HIP1: variants seen among roughly 807,000 people sequenced by gnomAD.
HIP1 encodes the protein huntingtin interacting protein 1, also known as huntingtin-interacting protein 1.
Under a neutral mutation model 147.6 loss-of-function variants are expected in HIP1, and 65 were observed. The ratio of observed to expected loss-of-function variants is 0.44; its 90% CI spans 0.36 to 0.54. HIP1 has a LOEUF of 0.54. Among genes scored for constraint, HIP1 ranks in the 20% least tolerant of loss-of-function variants. The pLI, the probability that HIP1 is intolerant of heterozygous loss-of-function variation, is 0.00. For synonymous variants in HIP1, 479 were observed against 504.0 expected (o/e 0.95, Z 0.67); for missense variants, 1,061 against 1,299.6 (o/e 0.82, Z 2.82).
chr7:75,726,529 C>A (rs997824728), intron 1 of HIP1, among the ~76,000 whole-genome samples: 1 of 152,070 alleles, frequency 6.6e-6, no homozygotes, highest in Admixed American at 6.6e-5. Context: ...GCGATCCGCT[C>A]ACCTTGGCCT....
At position 75,556,153 on chromosome 7, in the gene HIP1, G is replaced by A. The variant is rs782680761; in HGVS notation, c.1700C>T (p.Ala567Val). Residue 567 changes from alanine to valine, a missense_variant, in exon 18 of 31, where the codon GCA (alanine) becomes GTA (valine). By Grantham distance (64) the Ala-to-Val change is moderately conservative. This residue lies in a region of HIP1 where 810 missense variants were observed against 946.8 expected (regional missense o/e 0.86). Coordinates refer to ENST00000336926, the MANE Select transcript of HIP1 (RefSeq NM_005338.7). ...CTTCTCTAGCTCGGCGAACTCGGCT[G>A]CCCAGTTTGCTTCTGACTGCAAAGG... Reference protein sequence around the residue: ...ETSAQSEANWAAEFAELEKER... With the variant: ...ETSAQSEANWVAEFAELEKER... The A allele has an allele frequency of 2.5e-6, 4 of 1,613,966 alleles. No individual in the cohort carries two copies. Among genetic ancestry groups the A allele is most frequent in the East Asian group, 2.2e-5 (1 of 44,894 alleles).
intron 1 of HIP1, among the ~76,000 whole-genome samples, chr7:75,636,810 G>A (rs1428028981): frequency 2.0e-5 from 3 of 152,200 alleles, no homozygotes; most frequent in Non-Finnish European, 4.4e-5. Context: ...GTTTCCCAGT[G>A]CTTACGGGCC....
intron 1 of HIP1, among the ~76,000 whole-genome samples, chr7:75,727,549 G>C (rs555164537): frequency 2.8e-4 from 43 of 151,988 alleles, no homozygotes; most frequent in South Asian, 1.9e-3. Context: ...AACCAGAAAA[G>C]ACTTAGAAAA....
At chr7:75,619,499 G>C (rs1554506635) in intron 1 of HIP1, among the ~76,000 whole-genome samples, 2 of 126,956 alleles carry the variant, frequency 1.6e-5, no homozygotes, top group Non-Finnish European at 3.1e-5. Flanking sequence ...CTGGGCGACA[G>C]AGCAAGACTT....
At chr7:75,670,987 A>G (rs1164850699) in intron 1 of HIP1, among the ~76,000 whole-genome samples, 1 of 151,988 alleles carries the variant, frequency 6.6e-6, no homozygotes, top group Non-Finnish European at 1.5e-5. Context: ...GTCATGCTGT[A>G]TTTATCATAC....
chr7:75,647,348 A>G (rs1798833994), intron 1 of HIP1, among the ~76,000 whole-genome samples: 1 of 151,792 alleles, frequency 6.6e-6, no homozygotes, highest in Admixed American at 6.6e-5. Context: ...CAGTGAGCAG[A>G]GATCGTGCCA....
intron 1 of HIP1, among the ~76,000 whole-genome samples, chr7:75,629,384 C>T (rs73141203): frequency 3.5e-3 from 531 of 152,290 alleles, no homozygotes; most frequent in Non-Finnish European, 5.4e-3. Context: ...TGGCCCCGCT[C>T]CTAACAAACC....
intron 18 of HIP1, among the ~76,000 whole-genome samples, chr7:75,555,801 C>T (rs782690738): frequency 1.4e-4 from 20 of 147,256 alleles, no homozygotes; most frequent in Non-Finnish European, 2.1e-4. Flanking sequence ...GAGGAGATGC[C>T]AAACTTCTCT....
chr7:75,603,175 TG>T (rs1554503290), intron 1 of HIP1, among the ~76,000 whole-genome samples: 1 of 151,624 alleles, frequency 6.6e-6, no homozygotes, highest in Non-Finnish European at 1.5e-5. Context: ...AGCGAAACCG[TG>T]TCTCTACTAA....
intron 1 of HIP1, among the ~76,000 whole-genome samples, chr7:75,603,117 C>T (rs1563237023): frequency 6.6e-6 from 1 of 151,842 alleles, no homozygotes; most frequent in African/African-American, 2.4e-5. Flanking sequence ...GAGGCAGAGG[C>T]GGGAGGATCA....
At chr7:75,718,350 C>A (rs1358978634) in intron 1 of HIP1, among the ~76,000 whole-genome samples, 1 of 151,688 alleles carries the variant, frequency 6.6e-6, no homozygotes, top group African/African-American at 2.4e-5. Flanking sequence ...GAGGAAGACT[C>A]TGTCTCTAAA....
At chr7:75,671,070 T>C (rs1438008714) in intron 1 of HIP1, among the ~76,000 whole-genome samples, 8 of 152,112 alleles carry the variant, frequency 5.3e-5, no homozygotes, top group African/African-American at 1.9e-4. Flanking sequence ...TGTTGTAGTA[T>C]GTGTCAGAAT....
chr7:75,653,755 G>A (rs1006618013), intron 1 of HIP1, among the ~76,000 whole-genome samples: 1 of 152,162 alleles, frequency 6.6e-6, no homozygotes, highest in Non-Finnish European at 1.5e-5. Flanking sequence ...AGCTACTTGG[G>A]AGGCTGAGGG....
At chr7:75,540,426 C>T (rs1394470917) in intron 29 of HIP1, among the ~76,000 whole-genome samples, 41 of 82,332 alleles carry the variant, frequency 5.0e-4, no homozygotes, top group African/African-American at 1.9e-3. Flanking sequence ...GAGCAAGACT[C>T]GGTCTCAAAA....
chr7:75,710,145 AC>A (rs1275774663), intron 1 of HIP1, among the ~76,000 whole-genome samples: 1 of 151,932 alleles, frequency 6.6e-6, no homozygotes, highest in African/African-American at 2.4e-5. Context: ...TGATCCTCCG[AC>A]CTTGGCCTCC....
chr7:75,576,476 C>G (rs587718574), intron 7 of HIP1, among the ~76,000 whole-genome samples: 1 of 152,272 alleles, frequency 6.6e-6, no homozygotes, highest in South Asian at 2.1e-4. Context: ...AATCCCAGCA[C>G]TTTGGGAGGC....
intron 18 of HIP1, 31 bp from the exon 19 acceptor site, chr7:75,555,582 C>G (rs782100963): frequency 6.2e-7 from 1 of 1,612,924 alleles, no homozygotes; most frequent in Non-Finnish European, 8.5e-7. Context: ...TGAGAGTCTG[C>G]CCTAGACTCC....
chr7:75,620,959 G>A (rs782028147), intron 1 of HIP1, among the ~76,000 whole-genome samples: 3 of 152,020 alleles, frequency 2.0e-5, no homozygotes, highest in Non-Finnish European at 4.4e-5. Flanking sequence ...GGCTGGCGTG[G>A]TGGCTCACAC....
intron 24 of HIP1, 48 bp from the exon 25 acceptor site, chr7:75,547,080 C>G: frequency 1.4e-6 from 2 of 1,392,578 alleles, no homozygotes; most frequent in Non-Finnish European, 2.0e-6. Flanking sequence ...GATCCAAGAT[C>G]AATGAACACG....
Sources: allele counts gnomAD v4.1 joint callset (sites outside exome capture counted in the v4.1 genomes callset), GRCh38; gene constraint gnomAD v4.1.1; regional missense constraint gnomAD v4.1.1; transcripts MANE v1.5; gene names NCBI Gene and HGNC (gene_info 2026-07-23, HGNC 2026-07-21).